TNIK: variants seen among roughly 807,000 people sequenced by gnomAD.
TNIK encodes TRAF2 and NCK interacting kinase, also known as TRAF2 and NCK-interacting protein kinase.
Under a neutral mutation model 191.3 loss-of-function variants are expected in TNIK, and 49 were observed. The ratio of observed to expected loss-of-function variants is 0.26; its 90% CI spans 0.20 to 0.32. The LOEUF is 0.32. TNIK is among the 10% of genes least tolerant of loss of function. The probability of loss-of-function intolerance (pLI) is 1.00; values close to 1 mark genes in which losing one functional copy is unlikely to be tolerated. For synonymous variants in TNIK, 594 were observed against 600.9 expected (o/e 0.99, Z 0.17); for missense variants, 1,155 against 1,702.3 (o/e 0.68, Z 5.66).
intron 1 of TNIK, among the ~76,000 whole-genome samples, chr3:171,370,953 C>A (rs1716406279): frequency 6.6e-6 from 1 of 151,990 alleles, no homozygotes; most frequent in South Asian, 2.1e-4. Flanking sequence ...CAATGGGTGG[C>A]TAAGAGGCAG....
intron 2 of TNIK, among the ~76,000 whole-genome samples, chr3:171,264,107 CACACATAT>C (rs1382861588): frequency 2.3e-3 from 135 of 58,268 alleles, no homozygotes; most frequent in African/African-American, 0.012. Context: ...CACACACACA[CACACATAT>C]ATATATATAT....
At chr3:171,130,100 A>G (rs1228606897) in intron 15 of TNIK, among the ~76,000 whole-genome samples, 1 of 152,206 alleles carries the variant, frequency 6.6e-6, no homozygotes, top group Non-Finnish European at 1.5e-5. Flanking sequence ...GTCTGTTTGC[A>G]TATTTTTTAT....
intron 28 of TNIK, among the ~76,000 whole-genome samples, chr3:171,078,102 T>G (rs1337173699): frequency 6.6e-6 from 1 of 152,208 alleles, no homozygotes; most frequent in Non-Finnish European, 1.5e-5. Flanking sequence ...TTGCCAGTTT[T>G]GAAGGCCTTC....
chr3:171,322,878 T>C (rs1300507028), intron 2 of TNIK, among the ~76,000 whole-genome samples: 1 of 150,898 alleles, frequency 6.6e-6, no homozygotes, highest in Admixed American at 6.6e-5. Context: ...TGTGAAACTC[T>C]GCCAAGTGGT....
intron 9 of TNIK, among the ~76,000 whole-genome samples, chr3:171,174,368 A>G (rs1735713715): frequency 6.6e-6 from 1 of 152,160 alleles, no homozygotes; most frequent in Non-Finnish European, 1.5e-5. Context: ...TTATCTCTAG[A>G]AAAAGGATAG....
intron 2 of TNIK, among the ~76,000 whole-genome samples, chr3:171,228,492 A>T (rs1421748011): frequency 6.6e-6 from 1 of 152,224 alleles, no homozygotes; most frequent in Admixed American, 6.5e-5. Context: ...AAGGCATTTG[A>T]CAAGAGCTTA....
chr3:171,267,333 C>A (rs560586211), intron 2 of TNIK, among the ~76,000 whole-genome samples: 19 of 152,274 alleles, frequency 1.2e-4, no homozygotes, highest in African/African-American at 4.6e-4. Context: ...GAATTCCTGC[C>A]TCAGCAGGTT....
intron 2 of TNIK, among the ~76,000 whole-genome samples, chr3:171,304,072 AAC>A (rs1235719484): frequency 2.0e-5 from 3 of 152,046 alleles, no homozygotes; most frequent in African/African-American, 7.3e-5. Context: ...TATGTGAAGG[AAC>A]AGAGGTGAGA....
At position 171,101,568 on chromosome 3, in the gene TNIK, C is replaced by G. The variant is rs561021424; in HGVS notation, c.2472G>C (p.Lys824Asn). 20 of 1,613,426 alleles carry G rather than the reference C, an allele frequency of 1.2e-5. No homozygotes were observed. Among genetic ancestry groups the G allele is most frequent in the Non-Finnish European group, 1.7e-5 (20 of 1,179,548 alleles). The change falls in exon 22 of 33, where the codon AAG becomes AAC. Residue 824 changes from lysine to asparagine, a missense_variant. By Grantham distance (94) the Lys-to-Asn change is moderately conservative. Transcript: ENST00000436636. ...TGGAGGAGGAGTAATCAGTCACCTT[C>G]TTCATTGGGCGGTTTGTTTCTTCAA... Reference protein sequence around the residue: ...LRIEETNRPMKKVTDYSSSSE... With the variant: ...LRIEETNRPMNKVTDYSSSSE...
chr3:171,446,129 T>C (rs546249338), intron 1 of TNIK, among the ~76,000 whole-genome samples: 3 of 152,362 alleles, frequency 2.0e-5, no homozygotes, highest in East Asian at 1.9e-4. Flanking sequence ...TTTTAAAGCA[T>C]AGCTAGCACC....
At chr3:171,102,676 G>A (rs1312960362) in intron 21 of TNIK, among the ~76,000 whole-genome samples, 15 of 152,124 alleles carry the variant, frequency 9.9e-5, no homozygotes. Context: ...CATTCAGTGA[G>A]AGACAGGGGA....
At chr3:171,404,657 A>T (rs1435861700) in intron 1 of TNIK, among the ~76,000 whole-genome samples, 1 of 152,104 alleles carries the variant, frequency 6.6e-6, no homozygotes, top group African/African-American at 2.4e-5. Flanking sequence ...ATATTCTCTC[A>T]TTGACAAAGG....
At chr3:171,295,560 C>T (rs1003204175) in intron 2 of TNIK, among the ~76,000 whole-genome samples, 1 of 152,230 alleles carries the variant, frequency 6.6e-6, no homozygotes, top group Non-Finnish European at 1.5e-5. Flanking sequence ...AATCCTGCCT[C>T]TCACCCTCTC....
At chr3:171,359,949 G>A (rs185811366) in intron 2 of TNIK, among the ~76,000 whole-genome samples, 102 of 152,206 alleles carry the variant, frequency 6.7e-4, no homozygotes, top group African/African-American at 2.4e-3. Flanking sequence ...TTATAATCAC[G>A]AAGTCATTAA....
Position 171,152,518 on chromosome 3 carries a change from A to G in TNIK, c.1221+4942T>C, listed in dbSNP as rs191786207. On this transcript the variant is annotated intron_variant, in intron 12 of 32. Transcript: ENST00000436636. ...CATTTTTCTGGTTAATCCTCAGGAA[A>G]ACTTTGGTGGTGGGAACAAGCTTTG... Among the ~76,000 whole-genome samples, 284 of 152,202 alleles carry G rather than the reference A, an allele frequency of 1.9e-3. 6 individuals carry two copies. Among genetic ancestry groups the G allele is most frequent in the Admixed American group, 0.015 (223 of 15,292 alleles).
intron 4 of TNIK, among the ~76,000 whole-genome samples, chr3:171,204,798 T>C (rs894780021): frequency 6.6e-6 from 1 of 152,198 alleles, no homozygotes; most frequent in Admixed American, 6.5e-5. Flanking sequence ...CATCAGCTTC[T>C]GATATCAGAA....
At chr3:171,097,299 A>G (rs1406280657) in intron 22 of TNIK, among the ~76,000 whole-genome samples, 1 of 152,248 alleles carries the variant, frequency 6.6e-6, no homozygotes, top group African/African-American at 2.4e-5. Context: ...ACTAAAGGCA[A>G]GAGGAACTGA....
At chr3:171,347,222 A>AC in intron 2 of TNIK, 1 of 443,308 alleles carries the variant, frequency 2.3e-6, no homozygotes, top group Middle Eastern at 4.4e-4. Context: ...TCATTTGCTG[A>AC]AAAAAAAAAA....
Position 171,128,889 on chromosome 3 carries a change from A to C in TNIK, c.1609-11T>G, listed in dbSNP as rs1240174522. Reference sequence around the variant, plus strand: ...TGACCGTTCTTCTACCTACAACCCAAAAAAAAAAAAAAAAAAAAGACAGCC... The same window carrying C: ...TGACCGTTCTTCTACCTACAACCCACAAAAAAAAAAAAAAAAAAGACAGCC... On this transcript the variant is annotated splice_polypyrimidine_tract_variant and intron_variant, in intron 15 of 32. Transcript: ENST00000436636. The C allele has an allele frequency of 5.6e-5, 22 of 391,200 alleles. No homozygotes were observed. The highest frequency in any genetic ancestry group is 3.3e-4 in the South Asian group (9 of 27,270). The allele number at this position is 391,200 out of a possible 1,614,324, so 24.2% of individuals were successfully genotyped here.
Sources: gnomAD v4.1 joint callset for allele counts (sites outside exome capture counted in the v4.1 genomes callset) on GRCh38, gnomAD v4.1.1 for gene constraint, MANE v1.5 for transcripts, NCBI Gene and HGNC (gene_info 2026-07-23, HGNC 2026-07-21) for gene names.